DEPDC1: variants seen among roughly 807,000 people sequenced by gnomAD.
DEPDC1 encodes DEP domain containing 1.
DEPDC1 carries 66 observed loss-of-function variants against 86.8 expected under a neutral mutation model. That is an observed-to-expected ratio of 0.76 (90% CI 0.62 to 0.93). DEPDC1 has a LOEUF of 0.93. Ranked by LOEUF, DEPDC1 falls within the 40% of genes least tolerant of loss-of-function variation. The pLI, the probability that DEPDC1 is intolerant of heterozygous loss-of-function variation, is 0.00. For missense variants in DEPDC1, 792 were observed against 935.7 expected (o/e 0.85, Z 2.00); for synonymous variants, 255 against 314.9 (o/e 0.81, Z 2.02).
At chr1:68,486,822 CTTTAAT>C in intron 6 of DEPDC1, 109 bp downstream of exon 6, 1 of 1,122,704 alleles carries the variant, frequency 8.9e-7, no homozygotes. Context: ...AAATGATATA[CTTTAAT>C]TTTATCAGGA....
intron 11 of DEPDC1, 27 bp from the exon 12 acceptor site, chr1:68,477,096 G>T: frequency 6.4e-7 from 1 of 1,552,064 alleles, no homozygotes. Flanking sequence ...GAAATTAGAA[G>T]GTATTTAACA....
intron 4 of DEPDC1, 86 bp from the exon 5 acceptor site, chr1:68,488,590 AT>A: frequency 8.3e-7 from 1 of 1,204,240 alleles, no homozygotes; most frequent in South Asian, 1.5e-5. Flanking sequence ...CCATCAGAAT[AT>A]TTTATTTTTT....
At position 68,496,329 on chromosome 1, in the gene DEPDC1, C is replaced by G. The variant is rs1484308282; in HGVS notation, c.48+623G>C. 6.6e-6 allele frequency among the ~76,000 whole-genome samples: 1 copy of G among 152,146 alleles called. No homozygotes were observed. Among genetic ancestry groups the G allele is most frequent in the African/African-American group, 2.4e-5 (1 of 41,428 alleles). ...GACTCACCTAACGTCACATAACCAG[C>G]ACCACAGTATCCTATAGAACCGAAG... is the stretch of plus-strand genomic sequence containing the variant. On this transcript the variant is annotated intron_variant, in intron 1 of 11. Coordinates refer to ENST00000456315, the MANE Select transcript of DEPDC1 (RefSeq NM_001114120.3). The surrounding 1 kb of genome is among the most constrained non-coding windows in gnomAD (Gnocchi z 4.0).
intron 9 of DEPDC1, among the ~76,000 whole-genome samples, chr1:68,480,158 T>C (rs377387681): frequency 2.0e-5 from 3 of 152,006 alleles, no homozygotes; most frequent in East Asian, 3.9e-4. Context: ...TTCAATTCCA[T>C]CTTATGGGAT....
chr1:68,477,764 T>C (rs747410717), intron 11 of DEPDC1, 23 bp downstream of exon 11: 2 of 1,403,776 alleles, frequency 1.4e-6, no homozygotes, highest in Non-Finnish European at 1.9e-6. Context: ...TTTACATGAT[T>C]GAGAACTTGC....
chr1:68,494,659 G>C lies in DEPDC1; in HGVS notation c.85C>G (p.Pro29Ala), dbSNP rs979969965. The C allele has an allele frequency of 3.7e-6, 6 of 1,613,280 alleles. No homozygotes were observed. Among genetic ancestry groups the C allele is most frequent in the African/African-American group, 2.7e-5 (2 of 74,878 alleles). Reference protein sequence around the residue: ...EVTTSFRAGMPLRKHRQHFKK... With the variant: ...EVTTSFRAGMALRKHRQHFKK... ...AAGTGTTGTCTGTGTTTTCTTAGAG[G>C]CATTCCTGCTCGAAAAGATGTGGTA... The change falls in exon 2 of 12, where the codon CCT (proline) becomes GCT (alanine). Residue 29 changes from proline (P) to alanine (A), a missense_variant. Physicochemically the swap from Pro to Ala is conservative, Grantham distance 27 (BLOSUM62 -1). Coordinates refer to ENST00000456315, the MANE Select transcript of DEPDC1 (RefSeq NM_001114120.3).
At chr1:68,478,893 A>G (rs1389723478) in intron 10 of DEPDC1, among the ~76,000 whole-genome samples, 1 of 152,014 alleles carries the variant, frequency 6.6e-6, no homozygotes, top group Non-Finnish European at 1.5e-5. Flanking sequence ...CTAACTCATG[A>G]ACTTCAACTA....
chr1:68,480,294 A>T (rs1035169462), intron 9 of DEPDC1, among the ~76,000 whole-genome samples: 7 of 147,856 alleles, frequency 4.7e-5, no homozygotes, highest in African/African-American at 1.7e-4. Context: ...CCCTCATTCT[A>T]AAATACTTAG....
intron 9 of DEPDC1, 139 bp downstream of exon 9, chr1:68,481,301 A>C: frequency 1.4e-6 from 1 of 698,588 alleles, no homozygotes; most frequent in Non-Finnish European, 2.4e-6. Context: ...TGCTGCTAGG[A>C]AAGGTTAAAG....
chr1:68,482,065 A>G lies in DEPDC1; in HGVS notation c.1743T>C (p.Ser581=), dbSNP rs1208990532. ...CCTTACTTTGTGTGCCAGTCAACATAGAAGAAGCTGGAAGTAAAGAATTTT... is the reference window on the plus strand; with the variant it reads ...CCTTACTTTGTGTGCCAGTCAACATGGAAGAAGCTGGAAGTAAAGAATTTT... The part of the protein sequence containing the change: ...LSENSLLPAS[S]MLTGTQSLLQ... The change falls in exon 8 of 12, where the codon TCT becomes TCC. Residue 581 remains serine (S), a synonymous_variant. Transcript: ENST00000456315. The G allele has an allele frequency of 6.3e-7, 1 of 1,597,526 alleles. No individual in the cohort carries two copies. The highest frequency in any genetic ancestry group is 8.5e-7 in the Non-Finnish European group (1 of 1,173,742).
chr1:68,479,100 T>A (rs1002858290), intron 10 of DEPDC1, 44 bp downstream of exon 10: 1 of 1,523,932 alleles, frequency 6.6e-7, no homozygotes, highest in African/African-American at 1.4e-5. Flanking sequence ...GTTTGCCACT[T>A]GCAACTGACT....
chr1:68,478,023 A>AT, intron 10 of DEPDC1, 51 bp from the exon 11 acceptor site: 1 of 1,301,890 alleles, frequency 7.7e-7, no homozygotes, highest in South Asian at 2.0e-5. Flanking sequence ...ATGTTCTTAT[A>AT]TGATAAAGTA....
At chr1:68,486,191 G>A (rs577451109) in intron 6 of DEPDC1, among the ~76,000 whole-genome samples, 1 of 152,142 alleles carries the variant, frequency 6.6e-6, no homozygotes, top group East Asian at 1.9e-4. Context: ...GTGGGGCCTG[G>A]TGGGAGGTGA....
At chr1:68,479,794 T>G (rs575667382) in intron 9 of DEPDC1, among the ~76,000 whole-genome samples, 46 of 149,284 alleles carry the variant, frequency 3.1e-4, no homozygotes, top group African/African-American at 1.1e-3. Flanking sequence ...CAGAGCGTGA[T>G]CCTGTGTAAC....
intron 8 of DEPDC1, 37 bp from the exon 9 acceptor site, chr1:68,481,649 G>C: frequency 6.6e-7 from 1 of 1,513,316 alleles, no homozygotes. Context: ...AATCATCAAT[G>C]ACACTAGTTG....
intron 6 of DEPDC1, among the ~76,000 whole-genome samples, chr1:68,484,299 T>C (rs1646177806): frequency 1.3e-5 from 2 of 152,062 alleles, no homozygotes; most frequent in African/African-American, 2.4e-5. Context: ...TGTTTAACAT[T>C]TGTATACCTG....
rs1646113908 is a variant in DEPDC1 at position 68,476,189 on chromosome 1, A to G, written c.*743T>C. 6.6e-6 allele frequency: 1 copy of G among 151,928 alleles called. No homozygotes were observed. The highest frequency in any genetic ancestry group is 1.5e-5 in the Non-Finnish European group (1 of 67,828). 9.4% of individuals were successfully genotyped at this position (151,928 alleles called of 1,614,324 possible). ...ATGTTTTATTTATCATTGTCTCTGC[A>G]TATCTGGAACAACGAAAGGCACATA... is the stretch of plus-strand genomic sequence containing the variant. On this transcript the variant is annotated 3_prime_UTR_variant, in exon 12 of 12. Transcript: ENST00000456315.
Position 68,497,068 on chromosome 1 carries a change from G to A in DEPDC1, c.-69C>T, listed in dbSNP as rs957304090. The stretch of plus-strand genomic sequence containing the variant: ...ACTCAGGCCCAGCGGCCGCGGCAGT[G>A]GCGAGTCTCGGCACAACCGTTGGCC... On this transcript the variant is annotated 5_prime_UTR_variant, in exon 1 of 12. Transcript: ENST00000456315. 132 of 1,544,236 alleles carry A rather than the reference G, an allele frequency of 8.5e-5. No homozygotes were observed. Among genetic ancestry groups the A allele is most frequent in the Non-Finnish European group, 1.1e-4 (120 of 1,121,404 alleles).
rs774690848 is a variant in DEPDC1 at position 68,486,965 on chromosome 1, T to C, written c.741A>G (p.Val247=). 3.1e-6 allele frequency: 5 copies of C among 1,601,158 alleles called. No homozygotes were observed. The highest frequency in any genetic ancestry group is 1.7e-4 in the Middle Eastern group (1 of 6,022). ...TTGCTAGGCACTTCATGGCAGATAA[T>C]ACCCAGTGAGGGAGGTCATCTACAC... ...QNKSDDLPHW[V]LSAMKCLANW... is the part of the protein sequence containing the mutation. Residue 247 remains valine (V), a synonymous_variant, in exon 6 of 12, where the codon GTA becomes GTG. Transcript: ENST00000456315.
Sources: gnomAD v4.1 joint callset for allele counts (sites outside exome capture counted in the v4.1 genomes callset) on GRCh38, gnomAD v4.1.1 for gene constraint, Gnocchi (gnomAD v3.1) non-coding constraint, MANE v1.5 for transcripts, NCBI Gene and HGNC (gene_info 2026-07-23, HGNC 2026-07-21) for gene names.